GRK2: variants seen among roughly 807,000 people sequenced by gnomAD.
GRK2 encodes adrenergic beta receptor kinase 1.
GRK2 carries 23 observed loss-of-function variants against 97.8 expected under a neutral mutation model. That is an observed-to-expected ratio of 0.24 (90% CI 0.17 to 0.33). GRK2 has a LOEUF of 0.33. Among genes scored for constraint, GRK2 ranks in the 10% least tolerant of loss-of-function variants. GRK2 has a pLI of 1.00. For missense variants in GRK2, 633 were observed against 956.9 expected (o/e 0.66, Z 4.47); for synonymous variants, 425 against 381.7 (o/e 1.11, Z -1.32).
At chr11:67,283,575 T>G in intron 15 of GRK2, 132 bp from the exon 16 acceptor site, 4 of 885,064 alleles carry the variant, frequency 4.5e-6, no homozygotes, top group Non-Finnish European at 7.1e-6. Flanking sequence ...TGTTCTCCCA[T>G]TTGAGAGATG....
chr11:67,285,503 ATTTG>A lies in GRK2; in HGVS notation c.*57_*60del, dbSNP rs1860259643. 3.4e-6 allele frequency: 5 copies of A among 1,474,768 alleles called. No individual in the cohort carries two copies. Among genetic ancestry groups the A allele is most frequent in the Non-Finnish European group, 4.5e-6 (5 of 1,114,796 alleles). 91.4% of individuals were successfully genotyped at this position (1,474,768 alleles called of 1,614,324 possible). On this transcript the variant is annotated 3_prime_UTR_variant, in exon 21 of 21. Coordinates refer to ENST00000308595, the MANE Select transcript of GRK2 (RefSeq NM_001619.5). ...TAATTTATTTTGTCGAATTTTTATT[ATTTG>A]TTTTCCCGCCAAGCGGAAAAGGTTT... is the stretch of plus-strand genomic sequence containing the variant.
In GRK2 at chr11:67,282,556, C is replaced by G. The variant is rs1412251856; in HGVS notation, c.1160+14C>G. ...GTTGCTGCGGGGGTGAGTGGCCCAT[C>G]CCAGGTGGGCAGGTGGGTTGGGGCT... On this transcript the variant is annotated intron_variant, in intron 13 of 20. Coordinates refer to ENST00000308595, the MANE Select transcript of GRK2 (RefSeq NM_001619.5). This position sits in a 1 kb window ranked among gnomAD's most constrained non-coding sequence, Gnocchi z 6.9. 2 of 1,610,782 alleles carry G rather than the reference C, an allele frequency of 1.2e-6. No individual in the cohort carries two copies. The highest frequency in any genetic ancestry group is 1.7e-6 in the Non-Finnish European group (2 of 1,178,036).
chr11:67,274,572 A>G (rs1466185270), intron 1 of GRK2, among the ~76,000 whole-genome samples: 1 of 126,810 alleles, frequency 7.9e-6, no homozygotes, highest in Non-Finnish European at 1.6e-5. Context: ...CCCACCTCCC[A>G]GGTGAGATGC....
At chr11:67,266,851 GGGCGCCCCGGCCGC>G in intron 1 of GRK2, 39 bp downstream of exon 1, 1 of 1,078,148 alleles carries the variant, frequency 9.3e-7, no homozygotes, top group Non-Finnish European at 1.2e-6. Flanking sequence ...CCGACCCCGC[GGGCGCCCCGGCCGC>G]GGCCCCGAGA....
In GRK2 at chr11:67,269,430, G is replaced by A. The variant is rs1859862828; in HGVS notation, c.113+2618G>A. ...TTTCTGGACCACACAGGCCAGTGCT[G>A]TTTCTTTGCTGTGCTTTATCCCCTC... On this transcript the variant is annotated intron_variant, in intron 1 of 20. Coordinates refer to ENST00000308595, the MANE Select transcript of GRK2 (RefSeq NM_001619.5). The surrounding 1 kb of genome is among the most constrained non-coding windows in gnomAD (Gnocchi z 4.1). 6.6e-6 allele frequency among the ~76,000 whole-genome samples: 1 copy of A among 152,146 alleles called. No individual in the cohort carries two copies. The highest frequency in any genetic ancestry group is 2.4e-5 in the African/African-American group (1 of 41,422).
chr11:67,285,533 T>A lies in GRK2; in HGVS notation c.*83T>A. 5 of 1,421,240 alleles carry A rather than the reference T, an allele frequency of 3.5e-6. No individual in the cohort carries two copies. Among genetic ancestry groups the A allele is most frequent in the Non-Finnish European group, 4.6e-6 (5 of 1,083,648 alleles). 88.0% of individuals were successfully genotyped at this position (1,421,240 alleles called of 1,614,324 possible). ...TTTTCCCGCCAAGCGGAAAAGGTTT[T>A]ATTTTGTAATTATTGTGATTTCCCG... is the stretch of plus-strand genomic sequence containing the variant. On this transcript the variant is annotated 3_prime_UTR_variant, in exon 21 of 21. Coordinates refer to ENST00000308595, the MANE Select transcript of GRK2 (RefSeq NM_001619.5).
intron 1 of GRK2, among the ~76,000 whole-genome samples, chr11:67,270,336 G>T (rs1859880270): frequency 6.6e-6 from 1 of 152,158 alleles, no homozygotes; most frequent in African/African-American, 2.4e-5. Flanking sequence ...GCAGCAGATT[G>T]TCGGAGCTGG....
intron 1 of GRK2, among the ~76,000 whole-genome samples, chr11:67,275,730 G>A (rs1226994092): frequency 3.9e-5 from 6 of 152,154 alleles, no homozygotes; most frequent in South Asian, 2.1e-4. Flanking sequence ...CTGTTCCCAC[G>A]TCTACCGACC....
At chr11:67,274,967 G>C (rs1162971924) in intron 1 of GRK2, among the ~76,000 whole-genome samples, 3 of 152,174 alleles carry the variant, frequency 2.0e-5, no homozygotes, top group Non-Finnish European at 4.4e-5. Flanking sequence ...ATCCAGGCAG[G>C]GTCTGTTCCA....
intron 1 of GRK2, among the ~76,000 whole-genome samples, chr11:67,267,093 C>T (rs916016254): frequency 4.6e-5 from 7 of 152,264 alleles, no homozygotes; most frequent in Admixed American, 4.6e-4. Context: ...CGCCCTGCTG[C>T]TTCCTTATCG....
chr11:67,280,186 G>T (rs1007656264), intron 6 of GRK2: 4 of 503,528 alleles, frequency 7.9e-6, no homozygotes, highest in Non-Finnish European at 1.4e-5. Context: ...CTCTCCCGTG[G>T]GCTGTATAGC....
rs540235323 is a variant in GRK2 at position 67,283,289 on chromosome 11, G to A, written c.1328+61G>A. The stretch of plus-strand genomic sequence containing the variant: ...GTGCCCCCATGAGGACAAGGGCTGT[G>A]TCCCGTCACCTGGAACCCCCTCCAA... On this transcript the variant is annotated intron_variant, in intron 15 of 20. Transcript: ENST00000308595. 5.9e-5 allele frequency: 87 copies of A among 1,472,472 alleles called. No homozygotes were observed. In the South Asian group the frequency reaches 9.0e-4, roughly 15 times the overall value. 91.2% of individuals were successfully genotyped at this position (1,472,472 alleles called of 1,614,324 possible). A position where few individuals can be genotyped will look rare whatever the true frequency, so the allele number is the denominator to read the frequency against.
In GRK2 at chr11:67,281,739, G is replaced by C. The variant is rs775930888; in HGVS notation, c.826+11G>C. On this transcript the variant is annotated intron_variant, in intron 10 of 20. Transcript: ENST00000308595. This position sits in a 1 kb window ranked among gnomAD's most constrained non-coding sequence, Gnocchi z 5.7. ...TGGACCTCATGAACGGTGAGTGCTGGCCGGGCCCTAGGGTGGGCCGGGCCC... is the reference window on the plus strand; with the variant it reads ...TGGACCTCATGAACGGTGAGTGCTGCCCGGGCCCTAGGGTGGGCCGGGCCC... The C allele has an allele frequency of 1.2e-6, 2 of 1,613,318 alleles. No individual in the cohort carries two copies. The highest frequency in any genetic ancestry group is 1.3e-5 in the African/African-American group (1 of 74,884).
chr11:67,285,194 T>C lies in GRK2; in HGVS notation c.1905+6T>C. 1 of 1,613,126 alleles carries C rather than the reference T, an allele frequency of 6.2e-7. No homozygotes were observed. Among genetic ancestry groups the C allele is most frequent in the Non-Finnish European group, 8.5e-7 (1 of 1,179,828 alleles). ...AGTTCATTTTGCAGTGCGATGTGAG[T>C]GGGGGCTGAGCCAGGGATGGGAGGG... On this transcript the variant is annotated splice_donor_region_variant and intron_variant, in intron 20 of 20. Transcript: ENST00000308595.
In GRK2 at chr11:67,280,817, G is replaced by A. The variant is rs571926031; in HGVS notation, c.555+34G>A. ...GCTTGGGTGGGGCATGGAAAGCCAC[G>A]CACCCTGCTGCTCCTCTCCCGGGAG... On this transcript the variant is annotated intron_variant, in intron 7 of 20. Coordinates refer to ENST00000308595, the MANE Select transcript of GRK2 (RefSeq NM_001619.5). 64 of 1,609,772 alleles carry A rather than the reference G, an allele frequency of 4.0e-5. 1 individual carries two copies. The South Asian group carries it at 6.6e-4, about 17-fold the overall frequency.
intron 1 of GRK2, among the ~76,000 whole-genome samples, chr11:67,268,955 G>A (rs1319962476): frequency 6.6e-6 from 1 of 152,230 alleles, no homozygotes; most frequent in East Asian, 1.9e-4. Flanking sequence ...GGCCGAGCCA[G>A]GCAGCCCAGG....
Position 67,281,788 on chromosome 11 carries a change from C to T in GRK2, c.827-34C>T, listed in dbSNP as rs772046568. On this transcript the variant is annotated intron_variant, in intron 10 of 20. Coordinates refer to ENST00000308595, the MANE Select transcript of GRK2 (RefSeq NM_001619.5). The surrounding 1 kb of genome is among the most constrained non-coding windows in gnomAD (Gnocchi z 5.7). ...CCAGGCACGGGAGGCTGGGGCAAGA[C>T]ACTGAGTGCTGCCTGTGGGACTGCC... is the stretch of plus-strand genomic sequence containing the variant. 1.2e-6 allele frequency: 2 copies of T among 1,613,658 alleles called. No individual in the cohort carries two copies. The highest frequency in any genetic ancestry group is 1.7e-5 in the Admixed American group (1 of 60,024).
In GRK2 at chr11:67,283,876, C is replaced by A. The variant is rs1224558827; in HGVS notation, c.1418C>A (p.Pro473Gln). 6.2e-7 allele frequency: 1 copy of A among 1,613,174 alleles called. No homozygotes were observed. Residue 473 changes from proline to glutamine, a missense_variant, in exon 17 of 21, where the codon CCA (proline) becomes CAA (glutamine). By Grantham distance (76) the Pro-to-Gln change is moderately conservative (BLOSUM62 -1). Coordinates refer to ENST00000308595, the MANE Select transcript of GRK2 (RefSeq NM_001619.5). ...CAGTACCCTCCCCCGCTGATCCCCC[C>A]ACGAGGGGAGGTGAACGCGGCCGAC... ...LQKYPPPLIP[P>Q]RGEVNAADAF... is the part of the protein sequence containing the mutation.
In GRK2 at chr11:67,286,394, C is replaced by T. The variant is rs1042923862; in HGVS notation, c.*944C>T. On this transcript the variant is annotated 3_prime_UTR_variant, in exon 21 of 21. Transcript: ENST00000308595. ...CCACCGCATGCCCCCTCGTGCCAGTCGCGCTGCCTGTGTGGTGTCGCGCCT... is the reference window on the plus strand; with the variant it reads ...CCACCGCATGCCCCCTCGTGCCAGTTGCGCTGCCTGTGTGGTGTCGCGCCT... The T allele has an allele frequency of 2.7e-5, 19 of 700,650 alleles. No homozygotes were observed. The highest frequency in any genetic ancestry group is 2.4e-4 in the Middle Eastern group (1 of 4,166). The allele number at this position is 700,650 out of a possible 1,614,324, so 43.4% of individuals were successfully genotyped here. A position where few individuals can be genotyped will look rare whatever the true frequency, so the allele number is the denominator to read the frequency against.
Sources: allele counts gnomAD v4.1 joint callset (sites outside exome capture counted in the v4.1 genomes callset), GRCh38; gene constraint gnomAD v4.1.1; non-coding constraint Gnocchi (gnomAD v3.1); transcripts MANE v1.5; gene names NCBI Gene and HGNC (gene_info 2026-07-23, HGNC 2026-07-21).